KIAA0930: variants seen among roughly 807,000 people sequenced by gnomAD.
KIAA0930 encodes KIAA0930.
Under a neutral mutation model 43.9 loss-of-function variants are expected in KIAA0930, and 24 were observed. That is an observed-to-expected ratio of 0.55 (90% CI 0.40 to 0.77). The LOEUF is 0.77. Ranked by LOEUF, KIAA0930 falls within the 30% of genes least tolerant of loss-of-function variation. KIAA0930 has a pLI of 0.00. For synonymous variants in KIAA0930, 259 were observed against 216.4 expected (o/e 1.20, Z -1.73); for missense variants, 461 against 574.2 (o/e 0.80, Z 2.02).
intron 1 of KIAA0930, among the ~76,000 whole-genome samples, chr22:45,221,897 G>C (rs62231112): frequency 6.6e-6 from 1 of 152,276 alleles, no homozygotes; most frequent in African/African-American, 2.4e-5. Context: ...ACCACGCCAG[G>C]CTAATTTTTC....
intron 7 of KIAA0930, chr22:45,200,818 T>C (rs1310142384): frequency 4.4e-6 from 2 of 459,202 alleles, no homozygotes; most frequent in Non-Finnish European, 9.0e-6. Context: ...GCATGCTGGC[T>C]GTGGAGACAG....
Position 45,192,835 on chromosome 22 carries a change from C to G in KIAA0930, c.*4341G>C, listed in dbSNP as rs553571083. ...CTCTGAACCCAGCCCTGAGGCCACT[C>G]GGTGTCCCGAGGAGTGCTCCAGGGC... On this transcript the variant is annotated 3_prime_UTR_variant, in exon 10 of 10. Transcript: ENST00000336156. 6.6e-6 allele frequency: 1 copy of G among 152,240 alleles called. No homozygotes were observed. The highest frequency in any genetic ancestry group is 6.5e-5 in the Admixed American group (1 of 15,290). 9.4% of individuals were successfully genotyped at this position (152,240 alleles called of 1,614,324 possible).
In KIAA0930 at chr22:45,193,476, CTA is replaced by C. The variant is rs1222388992; in HGVS notation, c.*3698_*3699del. ...CTTCAAAAGTCTTCTACTAACTAGT[CTA>C]TTTATGATTAAAACAGCAAAAACAG... On this transcript the variant is annotated 3_prime_UTR_variant, in exon 10 of 10. Transcript: ENST00000336156. 6.6e-6 allele frequency: 1 copy of C among 152,102 alleles called. No homozygotes were observed. The highest frequency in any genetic ancestry group is 2.4e-5 in the African/African-American group (1 of 41,410). 9.4% of individuals were successfully genotyped at this position (152,102 alleles called of 1,614,324 possible). A position where few individuals can be genotyped will look rare whatever the true frequency, so the allele number is the denominator to read the frequency against.
Position 45,200,046 on chromosome 22 carries a change from GCAGC to G in KIAA0930, c.853-15_853-12del. On this transcript the variant is annotated splice_polypyrimidine_tract_variant and intron_variant, in intron 7 of 9. Coordinates refer to ENST00000336156, the MANE Select transcript of KIAA0930 (RefSeq NM_001009880.2). ...GCTGAAGGAGGTCACCTGGGAACAA[GCAGC>G]CAAAGTCACCAGAGTAGCAGAACAG... 1 of 1,584,510 alleles carries G rather than the reference GCAGC, an allele frequency of 6.3e-7. No individual in the cohort carries two copies. The highest frequency in any genetic ancestry group is 8.6e-7 in the Non-Finnish European group (1 of 1,165,756).
At chr22:45,197,239 A>G (rs1209542343) in intron 9 of KIAA0930, 23 bp from the exon 10 acceptor site, 1 of 1,547,796 alleles carries the variant, frequency 6.5e-7, no homozygotes, top group African/African-American at 1.4e-5. Flanking sequence ...GGAGGGAAGC[A>G]GGTGAAACAG....
At chr22:45,210,872 G>A (rs1601815984) in intron 2 of KIAA0930, among the ~76,000 whole-genome samples, 1 of 104,298 alleles carries the variant, frequency 9.6e-6, no homozygotes, top group Non-Finnish European at 2.0e-5. Context: ...CCCTGGTACC[G>A]AATCCAATGG....
chr22:45,223,289 C>T (rs2083778321), intron 1 of KIAA0930, among the ~76,000 whole-genome samples: 1 of 152,196 alleles, frequency 6.6e-6, no homozygotes, highest in African/African-American at 2.4e-5. Context: ...AAATGGAGAG[C>T]AGACCAATAT....
At chr22:45,212,571 T>G in intron 1 of KIAA0930, 1 of 1,386,656 alleles carries the variant, frequency 7.2e-7, no homozygotes, top group South Asian at 1.8e-5. Context: ...GGAACCCGAC[T>G]TAAAGGGACA....
intron 1 of KIAA0930, among the ~76,000 whole-genome samples, chr22:45,217,210 A>G (rs929163708): frequency 1.3e-5 from 2 of 151,990 alleles, no homozygotes; most frequent in Non-Finnish European, 2.9e-5. Flanking sequence ...AAAATACAAA[A>G]ATTAGCCGGG....
intron 2 of KIAA0930, among the ~76,000 whole-genome samples, chr22:45,210,290 C>A (rs532553683): frequency 6.6e-6 from 1 of 152,284 alleles, no homozygotes; most frequent in East Asian, 1.9e-4. Context: ...GGGTCCACAG[C>A]CCTGGGACGA....
rs530110462 is a variant in KIAA0930 at position 45,234,400 on chromosome 22, G to A, written c.64+6240C>T. Among the ~76,000 whole-genome samples the A allele has an allele frequency of 2.2e-4, 33 of 152,336 alleles. No individual in the cohort carries two copies. The South Asian group carries it at 6.2e-3, about 29-fold the overall frequency. ...GGAGGATCACAGACTGGCAAGGCAT[G>A]GGCCCAAAGTCTAGTCTGAGGCTGG... On this transcript the variant is annotated intron_variant, in intron 1 of 9. Transcript: ENST00000336156.
chr22:45,229,375 C>T (rs73434200), intron 1 of KIAA0930, among the ~76,000 whole-genome samples: 2,205 of 138,964 alleles, frequency 0.016, 83 homozygotes, highest in African/African-American at 0.026. Context: ...ACCAAACGCG[C>T]GCCTAGGCAG....
At chr22:45,198,343 T>A (rs961154871) in intron 8 of KIAA0930, among the ~76,000 whole-genome samples, 1 of 152,208 alleles carries the variant, frequency 6.6e-6, no homozygotes, top group Non-Finnish European at 1.5e-5. Context: ...CCTGCACCAT[T>A]ACCCAGTCCT....
chr22:45,196,658 A>G lies in KIAA0930; in HGVS notation c.*518T>C, dbSNP rs1373413557. 6.5e-6 allele frequency: 1 copy of G among 153,506 alleles called. No individual in the cohort carries two copies. Among genetic ancestry groups the G allele is most frequent in the Non-Finnish European group, 1.5e-5 (1 of 68,674 alleles). 9.5% of individuals were successfully genotyped at this position (153,506 alleles called of 1,614,324 possible). On this transcript the variant is annotated 3_prime_UTR_variant, in exon 10 of 10. Coordinates refer to ENST00000336156, the MANE Select transcript of KIAA0930 (RefSeq NM_001009880.2). The surrounding 1 kb of genome is among the most constrained non-coding windows in gnomAD (Gnocchi z 4.1). Reference sequence around the variant, plus strand: ...TCGTGTTCCCATCTCCTATTAGAACAAAGTGGTAAACTGGGGAGGATGAGC... The same window carrying G: ...TCGTGTTCCCATCTCCTATTAGAACGAAGTGGTAAACTGGGGAGGATGAGC...
At chr22:45,209,420 G>A (rs1303292157) in intron 2 of KIAA0930, among the ~76,000 whole-genome samples, 1 of 152,126 alleles carries the variant, frequency 6.6e-6, no homozygotes, top group Non-Finnish European at 1.5e-5. Context: ...GCCAAGTTGG[G>A]GCAGCCCCAG....
chr22:45,202,980 C>A lies in KIAA0930; in HGVS notation c.852+10G>T. 6.3e-7 allele frequency: 1 copy of A among 1,590,996 alleles called. No individual in the cohort carries two copies. Among genetic ancestry groups the A allele is most frequent in the Non-Finnish European group, 8.6e-7 (1 of 1,167,780 alleles). ...ATGGGAGCCCCCGCCCCCAGCTGTG[C>A]AGCCCTTACCCGCTCGTGCATGGGC... On this transcript the variant is annotated intron_variant, in intron 7 of 9. Coordinates refer to ENST00000336156, the MANE Select transcript of KIAA0930 (RefSeq NM_001009880.2).
intron 1 of KIAA0930, among the ~76,000 whole-genome samples, chr22:45,230,022 G>C (rs1323954313): frequency 1.3e-5 from 2 of 152,242 alleles, no homozygotes; most frequent in African/African-American, 2.4e-5. Flanking sequence ...CTCGAACCCA[G>C]GGGGCGGAGG....
chr22:45,194,711 G>A lies in KIAA0930; in HGVS notation c.*2465C>T, dbSNP rs1569067916. 2 of 152,220 alleles carry A rather than the reference G, an allele frequency of 1.3e-5. No homozygotes were observed. The allele number at this position is 152,220 out of a possible 1,614,324, so 9.4% of individuals were successfully genotyped here. A position where few individuals can be genotyped will look rare whatever the true frequency, so the allele number is the denominator to read the frequency against. ...CTGTCTGGTTCTCAAGTGGCTAAGT[G>A]GCTCTGAGCAAGTTTTAAATCCGGC... On this transcript the variant is annotated 3_prime_UTR_variant, in exon 10 of 10. Transcript: ENST00000336156.
intron 1 of KIAA0930, chr22:45,212,415 C>A (rs1464472845): frequency 6.5e-7 from 1 of 1,542,468 alleles, no homozygotes; most frequent in Non-Finnish European, 8.8e-7. Flanking sequence ...AAAGGAAAAT[C>A]CCGAGGAGCC....
Sources: allele counts gnomAD v4.1 joint callset (sites outside exome capture counted in the v4.1 genomes callset), GRCh38; gene constraint gnomAD v4.1.1; non-coding constraint Gnocchi (gnomAD v3.1); transcripts MANE v1.5; gene names NCBI Gene and HGNC (gene_info 2026-07-23, HGNC 2026-07-21).